Variants in KLHL29 observed in about 807,000 individuals in gnomAD.
KLHL29 encodes the protein kelch-like protein 29.
A neutral mutation model predicts 80.4 loss-of-function variants in KLHL29; 21 were observed. The ratio of observed to expected loss-of-function variants is 0.26; its 90% confidence interval spans 0.19 to 0.38. The LOEUF is 0.38. KLHL29 is among the 10% of genes least tolerant of loss of function. The pLI is 1.00. For synonymous variants in KLHL29, 511 were observed against 526.8 expected (o/e 0.97, Z 0.41); for missense variants, 867 against 1,223.9 (o/e 0.71, Z 4.35).
intron 2 of KLHL29, among the ~76,000 whole-genome samples, chr2:23,480,078 G>A (rs537568868): frequency 1.1e-4 from 16 of 152,320 alleles, no homozygotes; most frequent in African/African-American, 3.4e-4. Flanking sequence ...GCTGTAAAAC[G>A]GGAATAACCA....
intron 3 of KLHL29, among the ~76,000 whole-genome samples, chr2:23,620,175 C>T (rs1669133810): frequency 6.6e-6 from 1 of 152,096 alleles, no homozygotes; most frequent in African/African-American, 2.4e-5. Context: ...ACGCAGCAAA[C>T]CACATGAGGG....
intron 3 of KLHL29, among the ~76,000 whole-genome samples, chr2:23,602,060 G>A (rs989477399): frequency 1.3e-5 from 2 of 152,164 alleles, no homozygotes; most frequent in African/African-American, 4.8e-5. Flanking sequence ...AGAAACTCAC[G>A]AAGGGGCAGG....
At position 23,502,661 on chromosome 2, in the gene KLHL29, G is replaced by A. The variant is rs888792511; in HGVS notation, c.-46+26994G>A. Among the ~76,000 whole-genome samples the A allele has an allele frequency of 1.3e-4, 20 of 152,268 alleles. 1 individual carries two copies. Among genetic ancestry groups the A allele is most frequent in the African/African-American group, 4.6e-4 (19 of 41,470 alleles). On this transcript the variant is annotated intron_variant, in intron 2 of 13. Coordinates refer to ENST00000486442, the MANE Select transcript of KLHL29 (RefSeq NM_052920.2). ...CCAGCACCTGTCACTAGGCGCAGGC[G>A]GTCAGCAGGGATTCAAACCACCACT...
intron 2 of KLHL29, among the ~76,000 whole-genome samples, chr2:23,536,437 G>A (rs1050903990): frequency 6.6e-6 from 1 of 152,156 alleles, no homozygotes; most frequent in Admixed American, 6.5e-5. Flanking sequence ...CGCAGCAGGG[G>A]GCTGGTGCCG....
intron 6 of KLHL29, chr2:23,685,298 AAAG>A (rs988208222): frequency 1.3e-5 from 2 of 151,728 alleles, no homozygotes; most frequent in Admixed American, 1.3e-4. Flanking sequence ...ATACCTTTGC[AAAG>A]AAGTCAGGGG....
At chr2:23,683,806 CCCA>C (rs1671159512) in intron 5 of KLHL29, among the ~76,000 whole-genome samples, 2 of 152,068 alleles carry the variant, frequency 1.3e-5, no homozygotes, top group Admixed American at 6.6e-5. Context: ...CCGAAAAGTC[CCCA>C]CAAGTGTGAA....
intron 3 of KLHL29, among the ~76,000 whole-genome samples, chr2:23,622,988 TC>T (rs1189308269): frequency 6.6e-6 from 1 of 152,090 alleles, no homozygotes; most frequent in Non-Finnish European, 1.5e-5. Flanking sequence ...TCCTACCCAC[TC>T]CCCTGAGTGA....
chr2:23,437,028 C>A (rs947744057), intron 1 of KLHL29, among the ~76,000 whole-genome samples: 1 of 152,180 alleles, frequency 6.6e-6, no homozygotes, highest in Non-Finnish European at 1.5e-5. Context: ...AGAAAAAGCT[C>A]CTGGCAAGAT....
Position 23,684,661 on chromosome 2 carries a change from CTCT to C in KLHL29, c.1079+125_1079+127del, listed in dbSNP as rs1671185220. ...TCCCTGTCACAGAGCCAGTAGCCAT[CTCT>C]CCTCCTCCTCCTCCTCCTCCTCCCC... On this transcript the variant is annotated intron_variant, in intron 6 of 13. Coordinates refer to ENST00000486442, the MANE Select transcript of KLHL29 (RefSeq NM_052920.2). This position sits in a 1 kb window ranked among gnomAD's most constrained non-coding sequence, Gnocchi z 4.4. 2.8e-6 allele frequency: 2 copies of C among 715,170 alleles called. No individual in the cohort carries two copies. Among genetic ancestry groups the C allele is most frequent in the Non-Finnish European group, 4.1e-6 (2 of 483,774 alleles). 44.3% of individuals were successfully genotyped at this position (715,170 alleles called of 1,614,324 possible). A position where few individuals can be genotyped will look rare whatever the true frequency, so the allele number is the denominator to read the frequency against.
At chr2:23,631,089 AG>A (rs1269286042) in intron 3 of KLHL29, among the ~76,000 whole-genome samples, 5 of 152,216 alleles carry the variant, frequency 3.3e-5, no homozygotes, top group Non-Finnish European at 1.5e-5. Context: ...GGGCAAGGAC[AG>A]GGCCAGGCCT....
intron 5 of KLHL29, among the ~76,000 whole-genome samples, chr2:23,671,282 G>A (rs1266397207): frequency 6.6e-6 from 1 of 151,988 alleles, no homozygotes; most frequent in East Asian, 1.9e-4. Flanking sequence ...GGAGACTCGT[G>A]TTCTCCCATC....
chr2:23,568,797 C>A (rs1042093594), intron 3 of KLHL29, among the ~76,000 whole-genome samples: 2 of 152,214 alleles, frequency 1.3e-5, no homozygotes, highest in Non-Finnish European at 2.9e-5. Context: ...GTGTTCCCAG[C>A]ATGTTTGTTT....
rs1351668861 is a variant in KLHL29, at chr2:23,503,268, GCTCTGAC to G, written c.-46+27604_-46+27610del. Among the ~76,000 whole-genome samples the G allele has an allele frequency of 6.6e-6, 1 of 152,164 alleles. No individual in the cohort carries two copies. The highest frequency in any genetic ancestry group is 2.4e-5 in the African/African-American group (1 of 41,434). On this transcript the variant is annotated intron_variant, in intron 2 of 13. Transcript: ENST00000486442. The surrounding 1 kb of genome is among the most constrained non-coding windows in gnomAD (Gnocchi z 4.0). Reference sequence around the variant, plus strand: ...TGGGCCTCGCTCTGCCTCTGTTGTTGCTCTGACCTTTGACAAATCATTCCCTTGCCTG... The same window carrying G: ...TGGGCCTCGCTCTGCCTCTGTTGTTGCTTTGACAAATCATTCCCTTGCCTG...
chr2:23,577,154 T>C (rs1369186378), intron 3 of KLHL29, among the ~76,000 whole-genome samples: 2 of 152,194 alleles, frequency 1.3e-5, no homozygotes, highest in African/African-American at 4.8e-5. Context: ...CGTGGCTCCA[T>C]GAAAGACCAG....
chr2:23,416,749 G>A (rs779792873), intron 1 of KLHL29, among the ~76,000 whole-genome samples: 11 of 152,138 alleles, frequency 7.2e-5, no homozygotes, highest in Admixed American at 1.3e-4. Context: ...TCCTGGCCAC[G>A]TTCCCTTTTT....
At chr2:23,636,212 G>A (rs1054969307) in intron 3 of KLHL29, among the ~76,000 whole-genome samples, 6 of 152,172 alleles carry the variant, frequency 3.9e-5, no homozygotes, top group African/African-American at 1.2e-4. Flanking sequence ...TCACCCACCC[G>A]GGGGCCCAGC....
chr2:23,588,377 C>T (rs988735701), intron 3 of KLHL29, among the ~76,000 whole-genome samples: 3 of 152,234 alleles, frequency 2.0e-5, no homozygotes, highest in South Asian at 2.1e-4. Context: ...GTCAGAGCTC[C>T]GAGGGCTGCT....
At chr2:23,634,393 C>T (rs1669554197) in intron 3 of KLHL29, among the ~76,000 whole-genome samples, 1 of 152,190 alleles carries the variant, frequency 6.6e-6, no homozygotes, top group South Asian at 2.1e-4. Flanking sequence ...CTGTGGGGTC[C>T]TTTGGCAGTG....
At position 23,683,409 on chromosome 2, in the gene KLHL29, A is replaced by C. The variant is rs367643059; in HGVS notation, c.941-990A>C. ...GATCCTGGGGGCAGGCAGATGAGGCAAGGCTGTTGTGGGGAGCAGTGGTCA... is the reference window on the plus strand; with the variant it reads ...GATCCTGGGGGCAGGCAGATGAGGCCAGGCTGTTGTGGGGAGCAGTGGTCA... On this transcript the variant is annotated intron_variant, in intron 5 of 13. Coordinates refer to ENST00000486442, the MANE Select transcript of KLHL29 (RefSeq NM_052920.2). 1.9e-3 allele frequency among the ~76,000 whole-genome samples: 283 copies of C among 152,356 alleles called. 2 individuals are homozygous for C. Among genetic ancestry groups the C allele is most frequent in the African/African-American group, 6.5e-3 (269 of 41,592 alleles).
Sources: gnomAD v4.1 joint callset for allele counts (sites outside exome capture counted in the v4.1 genomes callset) on GRCh38, gnomAD v4.1.1 for gene constraint, Gnocchi (gnomAD v3.1) non-coding constraint, MANE v1.5 for transcripts, NCBI Gene and HGNC (gene_info 2026-07-23, HGNC 2026-07-21) for gene names.